Variants in SNX24 observed in about 807,000 individuals in gnomAD.
The protein encoded by SNX24 is sorting nexin-24.
Under a neutral mutation model 28.7 loss-of-function variants are expected in SNX24, and 22 were observed. The ratio of observed to expected loss-of-function variants is 0.77; its 90% CI spans 0.55 to 1.10. The LOEUF (loss-of-function observed/expected upper bound fraction) is 1.10. Among genes scored for constraint, SNX24 ranks in the 50% least tolerant of loss-of-function variants. The probability of loss-of-function intolerance (pLI) is 0.00; values close to 1 mark genes in which losing one functional copy is unlikely to be tolerated. For missense variants in SNX24, 221 were observed against 201.1 expected (o/e 1.10, Z -0.60); for synonymous variants, 69 against 71.5 (o/e 0.96, Z 0.18).
chr5:122,947,560 C>T (rs1381807804), intron 3 of SNX24, among the ~76,000 whole-genome samples: 2 of 152,070 alleles, frequency 1.3e-5, no homozygotes, highest in Non-Finnish European at 1.5e-5. Flanking sequence ...CACTGTCTCT[C>T]TCTGGGGGTG....
intron 5 of SNX24, chr5:123,025,813 CA>C: frequency 1.9e-6 from 3 of 1,613,832 alleles, no homozygotes; most frequent in Non-Finnish European, 1.7e-6. Context: ...CCAAACACCA[CA>C]TGTTTGCCGT....
chr5:122,969,456 T>C (rs1760859584), intron 3 of SNX24, among the ~76,000 whole-genome samples: 1 of 152,336 alleles, frequency 6.6e-6, no homozygotes, highest in Admixed American at 6.5e-5. Context: ...AAAAAAACTT[T>C]ACTTTTTCCA....
At chr5:122,958,978 G>C (rs1189233873) in intron 3 of SNX24, among the ~76,000 whole-genome samples, 1 of 152,162 alleles carries the variant, frequency 6.6e-6, no homozygotes, top group Non-Finnish European at 1.5e-5. Flanking sequence ...GTCTTTGTCT[G>C]CCTTTGGTAT....
At chr5:123,010,983 T>A (rs918613548), downstream of SNX24, among the ~76,000 whole-genome samples, 1 of 152,216 alleles carries the variant, frequency 6.6e-6, no homozygotes, top group Non-Finnish European at 1.5e-5. Flanking sequence ...ATAGACATTT[T>A]ACTTTTCGAT....
chr5:122,884,476 C>T (rs919467581), intron 1 of SNX24, among the ~76,000 whole-genome samples: 3 of 151,788 alleles, frequency 2.0e-5, no homozygotes, highest in Admixed American at 6.6e-5. Flanking sequence ...CTCTTGAACT[C>T]CTGGTCTCAA....
chr5:123,004,356 A>G (rs72798759), intron 6 of SNX24, among the ~76,000 whole-genome samples: 1 of 152,178 alleles, frequency 6.6e-6, no homozygotes, highest in Non-Finnish European at 1.5e-5. Flanking sequence ...GCTGAAGCCC[A>G]TGGATATTTT....
At chr5:122,877,696 C>T (rs1356395113) in intron 1 of SNX24, among the ~76,000 whole-genome samples, 1 of 152,130 alleles carries the variant, frequency 6.6e-6, no homozygotes, top group Non-Finnish European at 1.5e-5. Flanking sequence ...GAAGCCTATC[C>T]CATCCCCTAC....
chr5:122,846,809 C>T (rs7730291), intron 1 of SNX24, among the ~76,000 whole-genome samples: 1 of 152,020 alleles, frequency 6.6e-6, no homozygotes, highest in Non-Finnish European at 1.5e-5. Context: ...AAAGTGCTTT[C>T]CTTGGGAAGG....
intron 2 of SNX24, among the ~76,000 whole-genome samples, chr5:122,939,095 G>A (rs182183791): frequency 1.0e-3 from 159 of 152,276 alleles, no homozygotes; most frequent in Admixed American, 1.8e-3. Flanking sequence ...ACTCAGGCTT[G>A]ACTGACTGCT....
At chr5:122,890,951 T>C in intron 1 of SNX24, 1 of 1,251,738 alleles carries the variant, frequency 8.0e-7, no homozygotes, top group Non-Finnish European at 1.0e-6. Context: ...TCTGCAAGGA[T>C]TTTAAAGTAA....
intron 3 of SNX24, among the ~76,000 whole-genome samples, chr5:122,969,330 G>A (rs1033106733): frequency 1.1e-4 from 17 of 152,074 alleles, no homozygotes; most frequent in African/African-American, 3.4e-4. Context: ...GTGAATTCTA[G>A]TTGTGGCAAT....
intron 1 of SNX24, among the ~76,000 whole-genome samples, chr5:122,861,841 A>G (rs986207418): frequency 1.3e-5 from 2 of 152,088 alleles, no homozygotes; most frequent in Non-Finnish European, 2.9e-5. Context: ...GCCTTTTCTT[A>G]GTAGGGATTG....
chr5:122,999,455 TACACACACACAC>T (rs71928842), intron 3 of SNX24, among the ~76,000 whole-genome samples: 2 of 149,748 alleles, frequency 1.3e-5, no homozygotes, highest in African/African-American at 4.9e-5. Context: ...TGTGGGGAGA[TACACACACACAC>T]ACACACACAC....
intron 1 of SNX24, among the ~76,000 whole-genome samples, chr5:122,900,359 A>G (rs960615631): frequency 2.0e-5 from 3 of 152,238 alleles, no homozygotes; most frequent in Non-Finnish European, 4.4e-5. Context: ...AATGTGAACT[A>G]TTAAAACGTT....
chr5:123,010,860 T>A (rs1033385242), downstream of SNX24, among the ~76,000 whole-genome samples: 2 of 151,820 alleles, frequency 1.3e-5, no homozygotes, highest in Non-Finnish European at 2.9e-5. Flanking sequence ...TATTTTTTTT[T>A]ATTTAACAAT....
intron 3 of SNX24, among the ~76,000 whole-genome samples, chr5:122,963,949 A>G (rs944966335): frequency 6.6e-6 from 1 of 152,164 alleles, no homozygotes; most frequent in African/African-American, 2.4e-5. Context: ...TCCACTTAGA[A>G]CAATAGTTCT....
rs77339359 is a variant in SNX24, at chr5:122,850,257, A to G, written c.60+4564A>G. On this transcript the variant is annotated intron_variant, in intron 1 of 6. Transcript: ENST00000261369. Reference sequence around the variant, plus strand: ...CAGATTCAGTGTCTAGCGAGGGTCCATTTCCAGGTTTGTAGGTGATCCCTG... The same window carrying G: ...CAGATTCAGTGTCTAGCGAGGGTCCGTTTCCAGGTTTGTAGGTGATCCCTG... Among the ~76,000 whole-genome samples, 1,260 of 152,306 alleles carry G rather than the reference A, an allele frequency of 8.3e-3. 18 individuals are homozygous for G. Among genetic ancestry groups the G allele is most frequent in the African/African-American group, 0.029 (1,194 of 41,570 alleles).
At chr5:122,905,262 A>T (rs1382714270) in intron 1 of SNX24, among the ~76,000 whole-genome samples, 1 of 151,924 alleles carries the variant, frequency 6.6e-6, no homozygotes. Context: ...GGGAGGTGGG[A>T]GGAGGGAAGG....
intron 3 of SNX24, among the ~76,000 whole-genome samples, chr5:122,963,489 A>G (rs79205815): frequency 6.6e-6 from 1 of 152,234 alleles, no homozygotes; most frequent in South Asian, 2.1e-4. Flanking sequence ...GTTTTATCTG[A>G]TGAAAACATA....
Sources: gnomAD v4.1 joint callset for allele counts (sites outside exome capture counted in the v4.1 genomes callset) on GRCh38, gnomAD v4.1.1 for gene constraint, MANE v1.5 for transcripts, NCBI Gene and HGNC (gene_info 2026-07-23, HGNC 2026-07-21) for gene names.